Variants in WASF3 observed in about 807,000 individuals in gnomAD.
WASF3 encodes actin-binding protein WASF3.
In WASF3, 11 loss-of-function variants were observed where a neutral mutation model predicts 46.6. The observed-to-expected ratio is 0.24, with a 90% confidence interval of 0.15 to 0.39. The LOEUF is 0.39. Among genes scored for constraint, WASF3 ranks in the 10% least tolerant of loss-of-function variants. The pLI, the probability that WASF3 is intolerant of heterozygous loss-of-function variation, is 1.00. For missense variants in WASF3, 576 were observed against 669.8 expected, an observed-to-expected ratio of 0.86 and a Z score of 1.55; for synonymous variants, 242 against 259.7, an observed-to-expected ratio of 0.93 and a Z score of 0.65.
chr13:26,648,411 G>A (rs947417736), intron 3 of WASF3, among the ~76,000 whole-genome samples: 1 of 152,152 alleles, frequency 6.6e-6, no homozygotes, highest in East Asian at 1.9e-4. Flanking sequence ...TAATTCAGTT[G>A]CTTTATATAA....
intron 1 of WASF3, among the ~76,000 whole-genome samples, chr13:26,570,143 C>A (rs1317507822): frequency 1.3e-5 from 2 of 152,090 alleles, no homozygotes; most frequent in Admixed American, 6.6e-5. Flanking sequence ...AAAAAATTAG[C>A]CGGGTGTCGT....
At chr13:26,578,409 T>A (rs903631560) in intron 1 of WASF3, among the ~76,000 whole-genome samples, 2 of 152,314 alleles carry the variant, frequency 1.3e-5, no homozygotes, top group Middle Eastern at 3.4e-3. Context: ...TCATGCCCTG[T>A]CACCTTTGGC....
chr13:26,618,311 A>C (rs1384068266), intron 2 of WASF3, among the ~76,000 whole-genome samples: 1 of 152,200 alleles, frequency 6.6e-6, no homozygotes, highest in East Asian at 1.9e-4. Context: ...GATCATGCAG[A>C]TAACACCTGA....
the WASF3 span, among the ~76,000 whole-genome samples, chr13:26,540,953 G>A: frequency 6.6e-6 from 1 of 152,088 alleles, no homozygotes; most frequent in Non-Finnish European, 1.5e-5. Flanking sequence ...AAGTATATAC[G>A]CGCGCAAAAA....
At chr13:26,575,521 G>A (rs1482828897) in intron 1 of WASF3, among the ~76,000 whole-genome samples, 1 of 152,150 alleles carries the variant, frequency 6.6e-6, no homozygotes, top group African/African-American at 2.4e-5. Context: ...GTTGTATAAT[G>A]TTCTTGGCAG....
At chr13:26,554,296 ATTCT>A (rs1392479104), upstream of WASF3, among the ~76,000 whole-genome samples, 2 of 151,686 alleles carry the variant, frequency 1.3e-5, no homozygotes, top group African/African-American at 2.4e-5. Flanking sequence ...CTCTTGGCTA[ATTCT>A]TTTAGTTTTT....
At chr13:26,548,989 GTT>G in the WASF3 span, among the ~76,000 whole-genome samples, 2 of 143,688 alleles carry the variant, frequency 1.4e-5, no homozygotes, top group African/African-American at 2.6e-5. Flanking sequence ...TTCTTTCTTT[GTT>G]TTTTTTTTTT....
intron 2 of WASF3, among the ~76,000 whole-genome samples, chr13:26,639,329 G>A (rs1376254364): frequency 6.6e-6 from 1 of 152,206 alleles, no homozygotes; most frequent in African/African-American, 2.4e-5. Context: ...GGATTAATTA[G>A]TCAAAGCTGA....
At chr13:26,544,363 G>A in the WASF3 span, among the ~76,000 whole-genome samples, 4 of 152,092 alleles carry the variant, frequency 2.6e-5, no homozygotes, top group Non-Finnish European at 5.9e-5. Context: ...GGCCCAAATC[G>A]GTTTTATACC....
At chr13:26,548,363 G>A in the WASF3 span, among the ~76,000 whole-genome samples, 1 of 152,068 alleles carries the variant, frequency 6.6e-6, no homozygotes, top group Admixed American at 6.6e-5. Flanking sequence ...CAACTCCCCT[G>A]GGTCCTATCC....
intron 1 of WASF3, among the ~76,000 whole-genome samples, chr13:26,563,453 G>A (rs937098493): frequency 1.3e-5 from 2 of 151,828 alleles, no homozygotes; most frequent in Non-Finnish European, 2.9e-5. Flanking sequence ...TCAGGAGTTC[G>A]AGAACAGCAT....
chr13:26,639,835 C>T lies in WASF3; in HGVS notation c.-10-2426C>T, dbSNP rs146859624. 1.2e-4 allele frequency: 19 copies of T among 152,538 alleles called. No individual in the cohort carries two copies. The East Asian group carries it at 1.7e-3, about 14-fold the overall frequency. The allele number at this position is 152,538 out of a possible 1,614,324, so 9.4% of individuals were successfully genotyped here. A position where few individuals can be genotyped will look rare whatever the true frequency, so the allele number is the denominator to read the frequency against. The stretch of plus-strand genomic sequence containing the variant: ...GGGTCCTTGAGGAGGCAGAGCGGGA[C>T]GGGGAGCTGTGGGCCGGAGTCTTTT... On this transcript the variant is annotated intron_variant, in intron 2 of 9. Coordinates refer to ENST00000335327, the MANE Select transcript of WASF3 (RefSeq NM_006646.6).
chr13:26,548,419 G>A, the WASF3 span, among the ~76,000 whole-genome samples: 19 of 152,144 alleles, frequency 1.2e-4, no homozygotes, highest in African/African-American at 3.6e-4. Flanking sequence ...TCTCTTTGCC[G>A]CTTTCTCAGT....
Position 26,678,554 on chromosome 13 carries a change from C to T in WASF3, c.716+1830C>T, listed in dbSNP as rs537803673. ...ATGATTTTTAATGATTGTATCCGCT[C>T]ATCTGAGTGCATCCAAGATACTGAG... On this transcript the variant is annotated intron_variant, in intron 7 of 9. Coordinates refer to ENST00000335327, the MANE Select transcript of WASF3 (RefSeq NM_006646.6). Among the ~76,000 whole-genome samples, 11 of 152,096 alleles carry T rather than the reference C, an allele frequency of 7.2e-5. No individual in the cohort carries two copies. In the East Asian group the frequency reaches 9.6e-4, roughly 13 times the overall value.
At chr13:26,620,073 T>C (rs1474952113) in intron 2 of WASF3, among the ~76,000 whole-genome samples, 1 of 152,082 alleles carries the variant, frequency 6.6e-6, no homozygotes, top group Non-Finnish European at 1.5e-5. Flanking sequence ...CTCCAGGATG[T>C]AGGAGATTTT....
chr13:26,629,423 C>T (rs770030494), intron 2 of WASF3, among the ~76,000 whole-genome samples: 5 of 152,236 alleles, frequency 3.3e-5, no homozygotes, highest in African/African-American at 4.8e-5. Flanking sequence ...TCAAGCTACG[C>T]GGTGTCATGA....
At chr13:26,559,155 C>T (rs1879200458) in intron 1 of WASF3, among the ~76,000 whole-genome samples, 1 of 152,172 alleles carries the variant, frequency 6.6e-6, no homozygotes, top group African/African-American at 2.4e-5. Flanking sequence ...TGTGTCCTCT[C>T]CAGCTCCCTT....
chr13:26,633,200 C>CTTTTTTTTT (rs58237286), intron 2 of WASF3, among the ~76,000 whole-genome samples: 10,404 of 90,054 alleles, frequency 0.12, 1,626 homozygotes, highest in South Asian at 0.15. Flanking sequence ...TTAGTTATTT[C>CTTTTTTTTT]TTTTTTTTTT....
At chr13:26,567,871 A>G (rs1304283649) in intron 1 of WASF3, among the ~76,000 whole-genome samples, 1 of 152,166 alleles carries the variant, frequency 6.6e-6, no homozygotes. Context: ...AGAGAATATC[A>G]GAGACTGCCA....
Sources: allele counts gnomAD v4.1 joint callset (sites outside exome capture counted in the v4.1 genomes callset), GRCh38; gene constraint gnomAD v4.1.1; transcripts MANE v1.5; gene names NCBI Gene and HGNC (gene_info 2026-07-23, HGNC 2026-07-21).